The following GSPT1 variants were observed in gnomAD, a reference collection of about 807,000 sequenced individuals.
GSPT1 encodes eukaryotic peptide chain release factor GTP-binding subunit ERF3A.
In GSPT1, 20 loss-of-function variants were observed where a neutral mutation model predicts 72.5. The observed-to-expected ratio is 0.28, with a 90% CI of 0.19 to 0.40. GSPT1 has a LOEUF of 0.40. GSPT1 is among the 10% of genes least tolerant of loss of function. The probability of loss-of-function intolerance (pLI) is 1.00; values close to 1 mark genes in which losing one functional copy is unlikely to be tolerated. For missense variants in GSPT1, 580 were observed against 811.9 expected (o/e 0.71, Z 3.47); for synonymous variants, 334 against 293.5 (o/e 1.14, Z -1.41).
intron 14 of GSPT1, among the ~76,000 whole-genome samples, chr16:11,874,284 T>C (rs2054012461): frequency 1.3e-5 from 2 of 151,610 alleles, no homozygotes; most frequent in East Asian, 3.9e-4. Flanking sequence ...TGTATCTCAA[T>C]AAAGCTGCTA....
rs57226427 is a variant in GSPT1, at chr16:11,894,155, C to CAAA, written c.698+796_698+798dup. Reference sequence around the variant, plus strand: ...TTGGTGACAGAATGAGACCCTATCTCAAAAAAAAAAAAAAAAAAAAAAAAA... The same window carrying CAAA: ...TTGGTGACAGAATGAGACCCTATCTCAAAAAAAAAAAAAAAAAAAAAAAAAAAA... On this transcript the variant is annotated intron_variant, in intron 5 of 14. Coordinates refer to ENST00000434724, the MANE Select transcript of GSPT1 (RefSeq NM_002094.4). Among the ~76,000 whole-genome samples, 20 of 42,674 alleles carry CAAA rather than the reference C, an allele frequency of 4.7e-4. 1 individual carries two copies. The highest frequency in any genetic ancestry group is 9.1e-4 in the East Asian group (1 of 1,098). 28.0% of individuals were successfully genotyped at this position (42,674 alleles called of 152,430 possible).
rs762004702 is a variant in GSPT1 at position 11,896,538 on chromosome 16, T to A, written c.664+20A>T. The A allele has an allele frequency of 7.3e-7, 1 of 1,371,066 alleles. No homozygotes were observed. Among genetic ancestry groups the A allele is most frequent in the South Asian group, 1.2e-5 (1 of 81,304 alleles). The allele number at this position is 1,371,066 out of a possible 1,614,324, so 84.9% of individuals were successfully genotyped here. ...TGTTTTATGTATCCAGTAACTTTAATTGCTATGAGAGCAGCTTACCTACGT... is the reference window on the plus strand; with the variant it reads ...TGTTTTATGTATCCAGTAACTTTAAATGCTATGAGAGCAGCTTACCTACGT... On this transcript the variant is annotated intron_variant, in intron 4 of 14. Coordinates refer to ENST00000434724, the MANE Select transcript of GSPT1 (RefSeq NM_002094.4).
At chr16:11,893,865 A>T (rs1277574126) in intron 5 of GSPT1, among the ~76,000 whole-genome samples, 1 of 152,026 alleles carries the variant, frequency 6.6e-6, no homozygotes, top group Non-Finnish European at 1.5e-5. Flanking sequence ...ATTACCAATG[A>T]TGATTAGCCA....
intron 9 of GSPT1, 70 bp from the exon 10 acceptor site, chr16:11,885,344 T>C: frequency 1.3e-6 from 1 of 740,900 alleles, no homozygotes; most frequent in South Asian, 1.5e-5. Context: ...TACATGACTA[T>C]AAACAGCTTC....
At chr16:11,916,255 G>C (rs945346951), upstream of GSPT1, among the ~76,000 whole-genome samples, 9 of 152,160 alleles carry the variant, frequency 5.9e-5, no homozygotes, top group Non-Finnish European at 1.2e-4. Context: ...TGGCCGCTCG[G>C]CGGCCCCACC....
chr16:11,886,472 T>C lies in GSPT1; in HGVS notation c.1252A>G (p.Ile418Val). The C allele has an allele frequency of 1.2e-6, 2 of 1,607,674 alleles. No homozygotes were observed. The highest frequency in any genetic ancestry group is 1.7e-6 in the Non-Finnish European group (2 of 1,176,564). ...AAAAAGGAAAAAACAGTTACTTACA[T>C]GTACCAAGGACAGAAATCCGACTGC... ...KEQSDFCPWY[I>V]GLPFIPYLDN... The change falls in exon 9 of 15, where the codon ATT (isoleucine) becomes GTT (valine). Residue 418 changes from isoleucine (I) to valine (V), a missense_variant and splice_region_variant. By Grantham distance (29) the Ile-to-Val change is conservative. Around this residue, in one of 6 missense-constraint regions of GSPT1, gnomAD observed 45 missense variants for 43.0 expected, o/e 1.05. Coordinates refer to ENST00000434724, the MANE Select transcript of GSPT1 (RefSeq NM_002094.4).
In GSPT1 at chr16:11,907,417, C is replaced by T. The variant is rs80185666; in HGVS notation, c.352+7952G>A. Among the ~76,000 whole-genome samples, 605 of 152,304 alleles carry T rather than the reference C, an allele frequency of 4.0e-3. 3 individuals are homozygous for T. Among genetic ancestry groups the T allele is most frequent in the African/African-American group, 0.013 (537 of 41,568 alleles). ...GTAAAATGGGTCAACAGTACCTAAC[C>T]TCAAGAGAATGTTGTGAAGACTAAA... On this transcript the variant is annotated intron_variant, in intron 1 of 14. Coordinates refer to ENST00000434724, the MANE Select transcript of GSPT1 (RefSeq NM_002094.4).
chr16:11,876,587 C>G (rs1223733800), intron 12 of GSPT1, among the ~76,000 whole-genome samples: 1 of 152,080 alleles, frequency 6.6e-6, no homozygotes, highest in Non-Finnish European at 1.5e-5. Flanking sequence ...ACTAAAAATA[C>G]AAAACAATCA....
intron 1 of GSPT1, among the ~76,000 whole-genome samples, chr16:11,902,914 A>T (rs2054433411): frequency 6.6e-6 from 1 of 151,724 alleles, no homozygotes; most frequent in Non-Finnish European, 1.5e-5. Flanking sequence ...ATGGTGTTTC[A>T]ATAGGTTCCC....
intron 9 of GSPT1, among the ~76,000 whole-genome samples, chr16:11,885,805 T>C (rs564045882): frequency 1.3e-5 from 2 of 151,988 alleles, no homozygotes; most frequent in Admixed American, 6.6e-5. Flanking sequence ...GGTGGGAGGA[T>C]CTCTTGAGCT....
At chr16:11,896,895 C>T in intron 3 of GSPT1, 110 bp from the exon 4 acceptor site, 2 of 716,820 alleles carry the variant, frequency 2.8e-6, no homozygotes, top group Non-Finnish European at 2.3e-6. Flanking sequence ...AGTTCCATTT[C>T]CTAATGCCTA....
chr16:11,910,639 A>G (rs1285375811), intron 1 of GSPT1, among the ~76,000 whole-genome samples: 1 of 152,186 alleles, frequency 6.6e-6, no homozygotes, highest in Non-Finnish European at 1.5e-5. Context: ...ACTTTCAGAC[A>G]TTTCTTCCCC....
Position 11,887,496 on chromosome 16 carries a change from A to C in GSPT1, c.957+74T>G, listed in dbSNP as rs1007721888. On this transcript the variant is annotated intron_variant, in intron 7 of 14. Transcript: ENST00000434724. ...TGCAACCTGAATTTGAGCTTTTAGAAGATAAATTCAAATTTAAAGATATAA... is the reference window on the plus strand; with the variant it reads ...TGCAACCTGAATTTGAGCTTTTAGACGATAAATTCAAATTTAAAGATATAA... 6 of 1,213,808 alleles carry C rather than the reference A, an allele frequency of 4.9e-6. No individual in the cohort carries two copies. In the African/African-American group the frequency reaches 9.0e-5, roughly 18 times the overall value. The allele number at this position is 1,213,808 out of a possible 1,614,324, so 75.2% of individuals were successfully genotyped here. A position where few individuals can be genotyped will look rare whatever the true frequency, so the allele number is the denominator to read the frequency against.
chr16:11,874,548 C>G (rs2054016981), intron 14 of GSPT1, among the ~76,000 whole-genome samples: 1 of 134,918 alleles, frequency 7.4e-6, no homozygotes, highest in African/African-American at 2.8e-5. Flanking sequence ...ACATTAATTG[C>G]TTTTCTTCTG....
At position 11,869,730 on chromosome 16, in the gene GSPT1, G is replaced by A. The variant is rs1253055260; in HGVS notation, c.*3389C>T. The A allele has an allele frequency of 6.6e-6, 1 of 152,212 alleles. No homozygotes were observed. The highest frequency in any genetic ancestry group is 2.1e-4 in the South Asian group (1 of 4,832). 9.4% of individuals were successfully genotyped at this position (152,212 alleles called of 1,614,324 possible). A position where few individuals can be genotyped will look rare whatever the true frequency, so the allele number is the denominator to read the frequency against. On this transcript the variant is annotated 3_prime_UTR_variant, in exon 15 of 15. Transcript: ENST00000434724. ...TCCATGCCAGTAAGAAAAGGTGCTA[G>A]AGTGCTGTTATGTGTAATAGTCATC...
chr16:11,887,551 C>T lies in GSPT1; in HGVS notation c.957+19G>A. 2.5e-6 allele frequency: 4 copies of T among 1,603,570 alleles called. No homozygotes were observed. Among genetic ancestry groups the T allele is most frequent in the Non-Finnish European group, 3.4e-6 (4 of 1,171,334 alleles). ...GGCTACTAACAAATATACAGATGGA[C>T]TGGAAATGTCTTTCTTACCAGCACA... On this transcript the variant is annotated intron_variant, in intron 7 of 14. Transcript: ENST00000434724.
At chr16:11,911,895 GTC>G (rs2054563700) in intron 1 of GSPT1, among the ~76,000 whole-genome samples, 1 of 112,254 alleles carries the variant, frequency 8.9e-6, no homozygotes, top group Non-Finnish European at 1.8e-5. Flanking sequence ...TGGAGACAGG[GTC>G]TCAGTCTCAC....
At chr16:11,889,329 CTTTTTTTT>C (rs902991145) in intron 6 of GSPT1, among the ~76,000 whole-genome samples, 12 of 60,040 alleles carry the variant, frequency 2.0e-4, no homozygotes, top group Admixed American at 2.4e-4. Context: ...CCCTCTTCTT[CTTTTTTTT>C]TTTTTTTTTT....
At chr16:11,902,392 A>G (rs1453575510) in intron 1 of GSPT1, among the ~76,000 whole-genome samples, 5 of 127,564 alleles carry the variant, frequency 3.9e-5, no homozygotes, top group Admixed American at 1.7e-4. Context: ...CAGACAGAGC[A>G]GGACTCTGTC....
Sources: gnomAD v4.1 joint callset for allele counts (sites outside exome capture counted in the v4.1 genomes callset) on GRCh38, gnomAD v4.1.1 for gene constraint, gnomAD v4.1.1 regional missense constraint, MANE v1.5 for transcripts, NCBI Gene and HGNC (gene_info 2026-07-23, HGNC 2026-07-21) for gene names.